Variants in TMEM181 observed in about 807,000 individuals in gnomAD.
The protein encoded by TMEM181 is transmembrane protein 181.
Under a neutral mutation model 71.9 loss-of-function variants are expected in TMEM181, and 39 were observed. That is an observed-to-expected ratio of 0.54 (90% confidence interval 0.42 to 0.71). The LOEUF is 0.71. TMEM181 is among the 30% of genes least tolerant of loss of function. The probability of loss-of-function intolerance (pLI) is 0.00; values close to 1 mark genes in which losing one functional copy is unlikely to be tolerated. For synonymous variants in TMEM181, 245 were observed against 228.8 expected (o/e 1.07, Z -0.64); for missense variants, 595 against 583.0 (o/e 1.02, Z -0.21).
rs968135787 is a variant in TMEM181 at position 158,634,196 on chromosome 6, C to T, written c.*2308C>T. On this transcript the variant is annotated 3_prime_UTR_variant, in exon 17 of 17. Coordinates refer to ENST00000684151, the MANE Select transcript of TMEM181 (RefSeq NM_001376852.1). The stretch of plus-strand genomic sequence containing the variant: ...GTACTTAAGGGGAAAATCGTTCTTA[C>T]TAAGTCATGTATTTTCAACTTGTCT... 2 of 152,128 alleles carry T rather than the reference C, an allele frequency of 1.3e-5. No homozygotes were observed. Among genetic ancestry groups the T allele is most frequent in the Non-Finnish European group, 2.9e-5 (2 of 68,014 alleles). The allele number at this position is 152,128 out of a possible 1,614,324, so 9.4% of individuals were successfully genotyped here. A position where few individuals can be genotyped will look rare whatever the true frequency, so the allele number is the denominator to read the frequency against.
intron 1 of TMEM181, among the ~76,000 whole-genome samples, chr6:158,549,284 T>C (rs1781644073): frequency 6.6e-6 from 1 of 151,980 alleles, no homozygotes; most frequent in Non-Finnish European, 1.5e-5. Context: ...CCCGGCTGAT[T>C]TTTGTATTTT....
Position 158,605,141 on chromosome 6 carries a change from T to C in TMEM181, c.493-126T>C. ...AAAAAAAAAAAAAAAAGTGTGTGTG[T>C]GTGTGTGTGTGTGTGTGTATGTGTA... On this transcript the variant is annotated intron_variant, in intron 6 of 16. Coordinates refer to ENST00000684151, the MANE Select transcript of TMEM181 (RefSeq NM_001376852.1). 3.9e-6 allele frequency: 2 copies of C among 508,038 alleles called. 1 individual carries two copies. The highest frequency in any genetic ancestry group is 7.0e-6 in the Non-Finnish European group (2 of 285,554). The allele number at this position is 508,038 out of a possible 1,614,324, so 31.5% of individuals were successfully genotyped here.
At chr6:158,611,114 T>C in intron 10 of TMEM181, 1 of 513,416 alleles carries the variant, frequency 1.9e-6, no homozygotes, top group Non-Finnish European at 3.9e-6. Context: ...CCCAAGGGGC[T>C]CCTCAGTGGG....
intron 6 of TMEM181, among the ~76,000 whole-genome samples, chr6:158,593,011 G>A (rs942520091): frequency 2.4e-4 from 37 of 152,178 alleles, no homozygotes; most frequent in Middle Eastern, 3.2e-3. Context: ...CATGAGTGGG[G>A]GGGTGTGAAC....
chr6:158,573,443 C>G lies in TMEM181; in HGVS notation c.32C>G (p.Thr11Arg). The G allele has an allele frequency of 6.3e-7, 1 of 1,593,796 alleles. No individual in the cohort carries two copies. The change falls in exon 2 of 17, where the codon ACG becomes AGG. Residue 11 changes from threonine (T) to arginine (R), a missense_variant. Thr to Arg is a moderately conservative substitution (Grantham distance 71). Coordinates refer to ENST00000684151, the MANE Select transcript of TMEM181 (RefSeq NM_001376852.1). MEPLAPMRLY[T>R]LSKRHFVLVF... is the part of the protein sequence containing the mutation. ...AGGCTGGCGCCCATGCGGCTCTACA[C>G]GCTCTCCAAGCGCCACTTTGTCCTC... is the stretch of plus-strand genomic sequence containing the variant.
intron 3 of TMEM181, among the ~76,000 whole-genome samples, chr6:158,581,614 C>T (rs1314371712): frequency 6.6e-6 from 1 of 151,428 alleles, no homozygotes; most frequent in Non-Finnish European, 1.5e-5. Flanking sequence ...ATTAGCTGGG[C>T]GTGGTGGGGG....
rs149128320 is a variant in TMEM181 at position 158,565,251 on chromosome 6, C to T, written c.8+5019C>T. ...AGTGCTTGCGGACTGCTCGCCTCCCCTGCCGTGCCCTCCTGGCCCTGCTTT... is the reference window on the plus strand; with the variant it reads ...AGTGCTTGCGGACTGCTCGCCTCCCTTGCCGTGCCCTCCTGGCCCTGCTTT... On this transcript the variant is annotated intron_variant, in intron 1 of 16. Transcript: ENST00000684151. 1.1e-3 allele frequency among the ~76,000 whole-genome samples: 174 copies of T among 152,374 alleles called. 1 individual carries two copies. The highest frequency in any genetic ancestry group is 3.5e-3 in the African/African-American group (146 of 41,596).
rs1457491614 is a variant in TMEM181, at chr6:158,584,004, A to G, written c.219A>G (p.Gln73=). 1 of 1,612,136 alleles carries G rather than the reference A, an allele frequency of 6.2e-7. No homozygotes were observed. The highest frequency in any genetic ancestry group is 8.5e-7 in the Non-Finnish European group (1 of 1,179,038). The change falls in exon 4 of 17, where the codon CAA becomes CAG. Residue 73 remains glutamine, a synonymous_variant. Coordinates refer to ENST00000684151, the MANE Select transcript of TMEM181 (RefSeq NM_001376852.1). ...LSNPLSTYNQ[Q]LWLTCVVELD... Reference sequence around the variant, plus strand: ...ATCCACTGTCTACATACAATCAGCAACTATGGCTGACATGTGTTGTTGAGT... The same window carrying G: ...ATCCACTGTCTACATACAATCAGCAGCTATGGCTGACATGTGTTGTTGAGT...
chr6:158,559,784 A>G (rs1454354465), upstream of TMEM181, among the ~76,000 whole-genome samples: 1 of 152,250 alleles, frequency 6.6e-6, no homozygotes, highest in African/African-American at 2.4e-5. Context: ...ACTGCAGGGC[A>G]TTCGTGGACT....
At chr6:158,601,165 T>C (rs546532005) in intron 6 of TMEM181, among the ~76,000 whole-genome samples, 5 of 152,146 alleles carry the variant, frequency 3.3e-5, no homozygotes, top group Admixed American at 6.5e-5. Flanking sequence ...TTATGTGATG[T>C]TTTGGGTTTA....
chr6:158,591,073 C>G (rs1339065425), intron 6 of TMEM181, among the ~76,000 whole-genome samples: 2 of 152,196 alleles, frequency 1.3e-5, no homozygotes, highest in African/African-American at 4.8e-5. Flanking sequence ...TGTTGTATTG[C>G]TAGACCACAT....
intron 6 of TMEM181, among the ~76,000 whole-genome samples, chr6:158,593,059 G>A (rs1324817209): frequency 1.3e-5 from 2 of 152,186 alleles, no homozygotes; most frequent in South Asian, 4.1e-4. Flanking sequence ...ATGTATAAAA[G>A]CCTCTACTTC....
intron 6 of TMEM181, among the ~76,000 whole-genome samples, chr6:158,602,377 A>G (rs1210320984): frequency 2.6e-5 from 4 of 152,216 alleles, no homozygotes; most frequent in African/African-American, 9.7e-5. Context: ...GTGTGGACAT[A>G]TGCTTTCATT....
At position 158,536,871 on chromosome 6, in the gene TMEM181, C is replaced by G. The variant is rs773260859; in HGVS notation, c.131+6C>G. Reference sequence around the variant, plus strand: ...AAGGATGACCGCTACTACAGGTGGGCGCGGCGCGGGCAGCGGCGGGGCGGC... The same window carrying G: ...AAGGATGACCGCTACTACAGGTGGGGGCGGCGCGGGCAGCGGCGGGGCGGC... On this transcript the variant is annotated splice_donor_region_variant and intron_variant, in intron 1 of 16. Coordinates refer to the TMEM181 transcript ENST00000367090. 1.8e-5 allele frequency: 24 copies of G among 1,358,238 alleles called. No homozygotes were observed. The African/African-American group carries it at 3.4e-4, about 19-fold the overall frequency. 84.1% of individuals were successfully genotyped at this position (1,358,238 alleles called of 1,614,324 possible).
rs553426740 is a variant in TMEM181 at position 158,554,076 on chromosome 6, T to TTTTTA, written c.131+17231_131+17235dup. ...TGCCAGCCACCACGCCTGGCTAATT[T>TTTTTA]TTTTATTTTATTTTATTTTATTTTT... On this transcript the variant is annotated intron_variant, in intron 1 of 16. Transcript: ENST00000367090. Among the ~76,000 whole-genome samples the TTTTTA allele has an allele frequency of 1.5e-3, 227 of 151,742 alleles. 2 individuals carry two copies. In the East Asian group the frequency reaches 0.033, roughly 22 times the overall value.
At chr6:158,587,794 C>T (rs1035191079) in intron 5 of TMEM181, among the ~76,000 whole-genome samples, 2 of 152,056 alleles carry the variant, frequency 1.3e-5, no homozygotes, top group African/African-American at 4.8e-5. Flanking sequence ...ATGCCGGAAC[C>T]GCTGGTGTAG....
intron 10 of TMEM181, among the ~76,000 whole-genome samples, chr6:158,623,284 A>T (rs3816238): frequency 2.4e-4 from 37 of 152,230 alleles, no homozygotes; most frequent in Admixed American, 1.5e-3. Context: ...GAGAAATAGT[A>T]TATAGGGTTT....
chr6:158,538,690 C>G (rs1781227288), intron 1 of TMEM181, among the ~76,000 whole-genome samples: 1 of 152,114 alleles, frequency 6.6e-6, no homozygotes, highest in African/African-American at 2.4e-5. Flanking sequence ...TCTCTGCTCT[C>G]CTGGGGCTTA....
At chr6:158,559,028 G>C (rs1782010085), upstream of TMEM181, among the ~76,000 whole-genome samples, 1 of 152,142 alleles carries the variant, frequency 6.6e-6, no homozygotes, top group African/African-American at 2.4e-5. Flanking sequence ...TTGCGGTTTA[G>C]GATTCAGAGC....
Sources: gnomAD v4.1 joint callset for allele counts (sites outside exome capture counted in the v4.1 genomes callset) on GRCh38, gnomAD v4.1.1 for gene constraint, MANE v1.5 for transcripts, NCBI Gene and HGNC (gene_info 2026-07-23, HGNC 2026-07-21) for gene names.